The following ARHGAP25 variants were observed in gnomAD, a reference collection of about 807,000 sequenced individuals.
The protein encoded by ARHGAP25 is rho GTPase-activating protein 25.
ARHGAP25 carries 34 observed loss-of-function variants against 71.0 expected under a neutral mutation model. That is an observed-to-expected ratio of 0.48 (90% CI 0.36 to 0.64). The LOEUF (loss-of-function observed/expected upper bound fraction) is 0.64. Ranked by LOEUF, ARHGAP25 falls within the 30% of genes least tolerant of loss-of-function variation. The probability of loss-of-function intolerance (pLI) is 0.00; values close to 1 mark genes in which losing one functional copy is unlikely to be tolerated. For synonymous variants in ARHGAP25, 282 were observed against 296.5 expected (o/e 0.95, Z 0.50); for missense variants, 706 against 805.1 (o/e 0.88, Z 1.49).
At chr2:68,780,804 G>A (rs972934152) in intron 2 of ARHGAP25, among the ~76,000 whole-genome samples, 2 of 152,008 alleles carry the variant, frequency 1.3e-5, no homozygotes, top group Admixed American at 1.3e-4. Flanking sequence ...TCTTACTTCT[G>A]AGATTTCCTT....
At chr2:68,738,430 GTGTT>G (rs1475514199) in intron 1 of ARHGAP25, among the ~76,000 whole-genome samples, 1 of 152,138 alleles carries the variant, frequency 6.6e-6, no homozygotes, top group African/African-American at 2.4e-5. Flanking sequence ...GAACTGATTT[GTGTT>G]TGTTTGATGT....
intron 9 of ARHGAP25, chr2:68,819,521 G>A: frequency 1.4e-6 from 1 of 707,172 alleles, no homozygotes. Flanking sequence ...TCTTTGAGGG[G>A]GGTGAGTGAC....
At chr2:68,742,122 C>T (rs536224825) in intron 1 of ARHGAP25, among the ~76,000 whole-genome samples, 11 of 152,188 alleles carry the variant, frequency 7.2e-5, no homozygotes, top group Admixed American at 5.9e-4. Context: ...CCACGCCGTA[C>T]TATCCATCCA....
intron 2 of ARHGAP25, among the ~76,000 whole-genome samples, chr2:68,718,580 TAGAC>T (rs1558597008): frequency 2.0e-5 from 3 of 152,048 alleles, no homozygotes; most frequent in Non-Finnish European, 4.4e-5. Context: ...GATAGATACC[TAGAC>T]AGATAGATAG....
chr2:68,789,568 A>G (rs1679018652), intron 4 of ARHGAP25, among the ~76,000 whole-genome samples: 1 of 152,144 alleles, frequency 6.6e-6, no homozygotes, highest in Non-Finnish European at 1.5e-5. Context: ...CAGGTACATA[A>G]TTAGGCCACA....
At chr2:68,776,767 CAGA>C (rs1429122950) in intron 2 of ARHGAP25, among the ~76,000 whole-genome samples, 1 of 152,042 alleles carries the variant, frequency 6.6e-6, no homozygotes, top group Non-Finnish European at 1.5e-5. Flanking sequence ...TGGGCTTGGC[CAGA>C]AGGAGCTTAT....
intron 4 of ARHGAP25, among the ~76,000 whole-genome samples, chr2:68,805,725 G>C (rs1389239175): frequency 6.6e-6 from 1 of 152,138 alleles, no homozygotes; most frequent in Admixed American, 6.5e-5. Context: ...TCAAGAGCCT[G>C]GTACAGCTCT....
At chr2:68,794,703 C>T (rs1679415048) in intron 4 of ARHGAP25, among the ~76,000 whole-genome samples, 1 of 152,084 alleles carries the variant, frequency 6.6e-6, no homozygotes, top group Non-Finnish European at 1.5e-5. Flanking sequence ...AGTCTATATT[C>T]ATCAGGGATA....
intron 1 of ARHGAP25, among the ~76,000 whole-genome samples, chr2:68,737,443 C>T (rs1050124667): frequency 3.9e-5 from 6 of 152,132 alleles, no homozygotes; most frequent in Non-Finnish European, 7.3e-5. Context: ...TGGGGCCTGT[C>T]CTGTGAATTA....
chr2:68,756,159 C>T lies in ARHGAP25; in HGVS notation c.62-19062C>T, dbSNP rs148463788. Among the ~76,000 whole-genome samples, 13 of 152,350 alleles carry T rather than the reference C, an allele frequency of 8.5e-5. No homozygotes were observed. The East Asian group carries it at 2.5e-3, about 29-fold the overall frequency. On this transcript the variant is annotated intron_variant, in intron 1 of 10. Coordinates refer to ENST00000409202, the MANE Select transcript of ARHGAP25 (RefSeq NM_001007231.3). ...TGTACTTAATTTCAGTGAGTTTCAG[C>T]TCTTAACACAATAGTGGCTGCACAT...
intron 4 of ARHGAP25, among the ~76,000 whole-genome samples, chr2:68,797,360 C>T (rs919158713): frequency 2.6e-5 from 4 of 152,166 alleles, no homozygotes; most frequent in Admixed American, 6.5e-5. Context: ...GCTTTCGTCT[C>T]ACACCCCAGT....
intron 1 of ARHGAP25, among the ~76,000 whole-genome samples, chr2:68,740,945 G>A (rs1030572954): frequency 6.6e-6 from 1 of 152,212 alleles, no homozygotes; most frequent in African/African-American, 2.4e-5. Context: ...GCATGAGCTT[G>A]GGACTCTGCT....
At position 68,822,781 on chromosome 2, in the gene ARHGAP25, G is replaced by A. The variant is rs1681802849; in HGVS notation, c.1642G>A (p.Glu548Lys). The change falls in exon 10 of 11, where the codon GAA becomes AAA. Residue 548 changes from glutamate to lysine, a missense_variant. By Grantham distance (56) the Glu-to-Lys change is moderately conservative (BLOSUM62 1). Coordinates refer to ENST00000409202, the MANE Select transcript of ARHGAP25 (RefSeq NM_001007231.3). ...TGGGCCTGGAAAAAAGAACTCTGGA[G>A]AAGAGGAAATTGATTCTTTGCAGAG... ...ETGPGKKNSG[E>K]EEIDSLQRMV... The A allele has an allele frequency of 2.2e-5, 35 of 1,614,110 alleles. No homozygotes were observed. The highest frequency in any genetic ancestry group is 3.0e-5 in the Non-Finnish European group (35 of 1,180,048).
chr2:68,731,814 AC>A (rs565093448), upstream of ARHGAP25, among the ~76,000 whole-genome samples: 9 of 149,396 alleles, frequency 6.0e-5, no homozygotes, highest in South Asian at 2.1e-4. Flanking sequence ...TCGCATATAC[AC>A]CCCCCCTAGC....
chr2:68,810,113 C>T (rs1247050431), intron 5 of ARHGAP25, among the ~76,000 whole-genome samples: 3 of 140,062 alleles, frequency 2.1e-5, no homozygotes, highest in Non-Finnish European at 4.6e-5. Flanking sequence ...TCCTGACTTA[C>T]TCTTAGCCCT....
intron 6 of ARHGAP25, chr2:68,816,068 A>G (rs558672143): frequency 2.3e-5 from 14 of 599,084 alleles, no homozygotes; most frequent in South Asian, 2.3e-4. Flanking sequence ...CATATAAATA[A>G]AAGTATACAT....
At chr2:68,750,572 C>T (rs966967769) in intron 1 of ARHGAP25, among the ~76,000 whole-genome samples, 6 of 152,148 alleles carry the variant, frequency 3.9e-5, no homozygotes, top group African/African-American at 9.7e-5. Context: ...CCTCCCGCCT[C>T]GGCCTCCCAA....
chr2:68,720,461 G>A (rs556280832), intron 2 of ARHGAP25, among the ~76,000 whole-genome samples: 3 of 151,974 alleles, frequency 2.0e-5, no homozygotes, highest in African/African-American at 7.3e-5. Context: ...TTTGTTGTTG[G>A]TATCATCCAA....
chr2:68,781,136 C>T (rs1401596494), intron 2 of ARHGAP25, among the ~76,000 whole-genome samples: 1 of 151,954 alleles, frequency 6.6e-6, no homozygotes. Context: ...GCCTGTAATC[C>T]CAGCACTTTG....
Sources: gnomAD v4.1 joint callset for allele counts (sites outside exome capture counted in the v4.1 genomes callset) on GRCh38, gnomAD v4.1.1 for gene constraint, MANE v1.5 for transcripts, NCBI Gene and HGNC (gene_info 2026-07-23, HGNC 2026-07-21) for gene names.